Variants in GMDS observed in about 807,000 individuals in gnomAD.
The protein encoded by GMDS is GDP-mannose 4,6 dehydratase.
GMDS carries 20 observed loss-of-function variants against 49.9 expected under a neutral mutation model. The ratio of observed to expected loss-of-function variants is 0.40; its 90% CI spans 0.28 to 0.58. The LOEUF is 0.58. Among genes scored for constraint, GMDS ranks in the 20% least tolerant of loss-of-function variants. GMDS has a pLI of 0.42. For synonymous variants in GMDS, 177 were observed against 178.6 expected (o/e 0.99, Z 0.07); for missense variants, 362 against 481.4 (o/e 0.75, Z 2.32).
At chr6:1,735,912 C>T (rs1766987227) in intron 8 of GMDS, among the ~76,000 whole-genome samples, 1 of 152,176 alleles carries the variant, frequency 6.6e-6, no homozygotes, top group South Asian at 2.1e-4. Flanking sequence ...TCTTTCAATT[C>T]TCTTTGATTA....
At chr6:1,720,654 T>C (rs1490653492) in intron 9 of GMDS, among the ~76,000 whole-genome samples, 1 of 152,298 alleles carries the variant, frequency 6.6e-6, no homozygotes, top group Non-Finnish European at 1.5e-5. Context: ...ACGAGTAGTC[T>C]CGCCTCTCTT....
At chr6:1,702,851 G>C (rs1765589269) in intron 9 of GMDS, among the ~76,000 whole-genome samples, 1 of 152,188 alleles carries the variant, frequency 6.6e-6, no homozygotes, top group Non-Finnish European at 1.5e-5. Context: ...CTCTGTGAAA[G>C]ATAACTTCGG....
chr6:1,768,962 A>C (rs1768468586), intron 7 of GMDS, among the ~76,000 whole-genome samples: 1 of 152,176 alleles, frequency 6.6e-6, no homozygotes, highest in African/African-American at 2.4e-5. Flanking sequence ...TCAATATTGT[A>C]AGAGATAAAA....
intron 8 of GMDS, among the ~76,000 whole-genome samples, chr6:1,735,321 C>T (rs560714410): frequency 3.3e-5 from 5 of 152,322 alleles, no homozygotes; most frequent in South Asian, 2.1e-4. Context: ...GCTAAGGACA[C>T]GGGTATGTGG....
chr6:1,764,727 G>T (rs1768284232), intron 7 of GMDS, among the ~76,000 whole-genome samples: 1 of 152,174 alleles, frequency 6.6e-6, no homozygotes, highest in South Asian at 2.1e-4. Context: ...TTCAGAGCAT[G>T]AATTCTTTTT....
chr6:1,949,416 T>G (rs1362760931), intron 6 of GMDS, among the ~76,000 whole-genome samples: 1 of 152,236 alleles, frequency 6.6e-6, no homozygotes, highest in African/African-American at 2.4e-5. Flanking sequence ...CAGACAGTTA[T>G]CAGTTTGGTT....
chr6:2,168,338 C>T (rs1260915695), intron 1 of GMDS, among the ~76,000 whole-genome samples: 1 of 152,198 alleles, frequency 6.6e-6, no homozygotes, highest in East Asian at 1.9e-4. Flanking sequence ...TACCGGACAG[C>T]TTCATGCGCA....
At chr6:1,850,205 G>T (rs1757596909) in intron 7 of GMDS, among the ~76,000 whole-genome samples, 2 of 152,176 alleles carry the variant, frequency 1.3e-5, no homozygotes, top group Admixed American at 1.3e-4. Flanking sequence ...GTGCCAAGCT[G>T]CTATCGGATG....
At chr6:1,965,443 G>T (rs531717086) in intron 4 of GMDS, among the ~76,000 whole-genome samples, 1 of 152,142 alleles carries the variant, frequency 6.6e-6, no homozygotes, top group South Asian at 2.1e-4. Context: ...GTTACAAAGT[G>T]TTTTACAATA....
chr6:2,232,811 C>T (rs954524628), intron 1 of GMDS, among the ~76,000 whole-genome samples: 2 of 152,164 alleles, frequency 1.3e-5, no homozygotes, highest in African/African-American at 4.8e-5. Flanking sequence ...CCTCCAGATG[C>T]CCGCGACCTT....
At chr6:2,225,585 A>AT (rs1780779629) in intron 1 of GMDS, among the ~76,000 whole-genome samples, 1 of 152,128 alleles carries the variant, frequency 6.6e-6, no homozygotes, top group Admixed American at 6.5e-5. Context: ...CAACCCTTAG[A>AT]TTTTCCGGCT....
intron 4 of GMDS, among the ~76,000 whole-genome samples, chr6:1,981,260 G>GA (rs34052496): frequency 0.42 from 63,522 of 150,746 alleles, 13,656 homozygotes; most frequent in Non-Finnish European, 0.47. Flanking sequence ...CTGGTTTTTG[G>GA]AAAAAAATTA....
chr6:1,819,572 C>A (rs921170883), intron 7 of GMDS, among the ~76,000 whole-genome samples: 2 of 151,768 alleles, frequency 1.3e-5, no homozygotes, highest in East Asian at 3.9e-4. Flanking sequence ...ACCAGCCTGG[C>A]CAACATGGTG....
rs953344938 is a variant in GMDS at position 1,836,490 on chromosome 6, A to G, written c.771+93613T>C. Among the ~76,000 whole-genome samples, 1 of 152,264 alleles carries G rather than the reference A, an allele frequency of 6.6e-6. No individual in the cohort carries two copies. Among genetic ancestry groups the G allele is most frequent in the African/African-American group, 2.4e-5 (1 of 41,470 alleles). ...TATTTTCTATTATGTTGCTAGATAA[A>G]GACATTTTTAGAGTTTCACTGAATC... On this transcript the variant is annotated intron_variant, in intron 7 of 10. Coordinates refer to ENST00000380815, the MANE Select transcript of GMDS (RefSeq NM_001500.4). The surrounding 1 kb of genome is among the most constrained non-coding windows in gnomAD (Gnocchi z 4.2).
intron 1 of GMDS, among the ~76,000 whole-genome samples, chr6:2,151,007 G>C (rs1394078021): frequency 6.6e-6 from 1 of 152,038 alleles, no homozygotes; most frequent in Non-Finnish European, 1.5e-5. Flanking sequence ...GATTTAACGA[G>C]ACAAACTACT....
At chr6:2,027,001 C>A (rs1475715157) in intron 4 of GMDS, among the ~76,000 whole-genome samples, 1 of 152,082 alleles carries the variant, frequency 6.6e-6, no homozygotes, top group Non-Finnish European at 1.5e-5. Flanking sequence ...AAAAATCCCC[C>A]AGAAATTATG....
chr6:1,648,367 T>C (rs1561697664), intron 9 of GMDS, among the ~76,000 whole-genome samples: 1 of 152,250 alleles, frequency 6.6e-6, no homozygotes, highest in Non-Finnish European at 1.5e-5. Flanking sequence ...TCCAGCGTCA[T>C]GCTTTCTGAT....
intron 4 of GMDS, among the ~76,000 whole-genome samples, chr6:2,064,431 T>C (rs949414750): frequency 1.4e-4 from 21 of 152,178 alleles, no homozygotes; most frequent in African/African-American, 4.8e-4. Context: ...TGACCAATCA[T>C]GCTTACATAC....
Position 1,772,541 on chromosome 6 carries a change from C to T in GMDS, c.772-29955G>A, listed in dbSNP as rs564805061. ...TTATTTCTTCAATTAAAGTAAAAAA[C>T]GCTTGAACAGAGATGCAGAGGTCAT... On this transcript the variant is annotated intron_variant, in intron 7 of 10. Transcript: ENST00000380815. 4.6e-5 allele frequency among the ~76,000 whole-genome samples: 7 copies of T among 152,316 alleles called. No homozygotes were observed. The East Asian group carries it at 1.2e-3, about 25-fold the overall frequency.
Sources: allele counts gnomAD v4.1 joint callset (sites outside exome capture counted in the v4.1 genomes callset), GRCh38; gene constraint gnomAD v4.1.1; non-coding constraint Gnocchi (gnomAD v3.1); transcripts MANE v1.5; gene names NCBI Gene and HGNC (gene_info 2026-07-23, HGNC 2026-07-21).